CRPPA: variants seen among roughly 807,000 people sequenced by gnomAD.
CRPPA encodes the protein D-ribitol-5-phosphate cytidylyltransferase.
A neutral mutation model predicts 52.0 loss-of-function variants in CRPPA; 43 were observed. The observed-to-expected ratio is 0.83, with a 90% confidence interval of 0.65 to 1.07. The LOEUF is 1.07. Ranked by LOEUF, CRPPA falls within the 50% of genes least tolerant of loss-of-function variation. CRPPA has a pLI of 0.00. For synonymous variants in CRPPA, 250 were observed against 203.5 expected (o/e 1.23, Z -1.94); for missense variants, 629 against 551.7 (o/e 1.14, Z -1.40).
intron 3 of CRPPA, among the ~76,000 whole-genome samples, chr7:16,347,850 C>T (rs577432602): frequency 6.6e-6 from 1 of 152,230 alleles, no homozygotes; most frequent in African/African-American, 2.4e-5. Context: ...ACCTAAGTTT[C>T]CTTATGGCTA....
chr7:16,287,027 C>T (rs142543659), intron 5 of CRPPA, among the ~76,000 whole-genome samples: 3 of 152,220 alleles, frequency 2.0e-5, no homozygotes, highest in Admixed American at 6.5e-5. Context: ...TTATTTAGTG[C>T]TCATGTCATA....
At chr7:16,209,298 G>A (rs1397409979) in intron 9 of CRPPA, 1 of 102,088 alleles carries the variant, frequency 9.8e-6, no homozygotes, top group Non-Finnish European at 2.5e-5. Flanking sequence ...TTTGAGACGA[G>A]TCTCGCTCTG....
chr7:16,365,459 A>T (rs920205375), intron 3 of CRPPA, among the ~76,000 whole-genome samples: 1 of 152,216 alleles, frequency 6.6e-6, no homozygotes, highest in Admixed American at 6.5e-5. Flanking sequence ...CTGAAACGAT[A>T]ATCTTGAAAG....
rs1787927721 is a variant in CRPPA, at chr7:16,405,397, G to C, written c.534+664C>G. 1.3e-5 allele frequency among the ~76,000 whole-genome samples: 2 copies of C among 152,020 alleles called. 1 individual carries two copies. Among genetic ancestry groups the C allele is most frequent in the Admixed American group, 1.3e-4 (2 of 15,248 alleles). ...AAATAAAAAGACAGATTTGGACCTA[G>C]GTCTGTCCAACTTCATAGCCTATTT... On this transcript the variant is annotated intron_variant, in intron 2 of 9. Transcript: ENST00000407010.
intron 3 of CRPPA, among the ~76,000 whole-genome samples, chr7:16,374,209 G>A (rs145178251): frequency 1.3e-5 from 2 of 152,086 alleles, no homozygotes; most frequent in Non-Finnish European, 2.9e-5. Context: ...CAGCTAGAAC[G>A]AAGCAGGCAG....
intron 6 of CRPPA, among the ~76,000 whole-genome samples, chr7:16,273,159 G>C (rs539951421): frequency 1.5e-5 from 2 of 135,784 alleles, no homozygotes; most frequent in Non-Finnish European, 3.1e-5. Flanking sequence ...GAACTGCATA[G>C]TACTGATACA....
chr7:16,124,115 A>G (rs12056214), intron 9 of CRPPA, among the ~76,000 whole-genome samples: 1 of 144,562 alleles, frequency 6.9e-6, no homozygotes, highest in Non-Finnish European at 1.5e-5. Context: ...TTCTTTTTTT[A>G]TTTTTTTTTT....
chr7:16,091,622 A>C lies in CRPPA; in HGVS notation c.*73T>G. ...ACAACTGAAACATTCTACCACACAC[A>C]GCAGCGGGGGCACAAAGCACAATTA... On this transcript the variant is annotated 3_prime_UTR_variant, in exon 10 of 10. Coordinates refer to ENST00000407010, the MANE Select transcript of CRPPA (RefSeq NM_001101426.4). 1 of 772,136 alleles carries C rather than the reference A, an allele frequency of 1.3e-6. No individual in the cohort carries two copies. Among genetic ancestry groups the C allele is most frequent in the East Asian group, 2.8e-5 (1 of 35,992 alleles). The allele number at this position is 772,136 out of a possible 1,614,324, so 47.8% of individuals were successfully genotyped here.
intron 3 of CRPPA, among the ~76,000 whole-genome samples, chr7:16,364,356 C>T (rs896291319): frequency 1.3e-5 from 2 of 152,292 alleles, no homozygotes; most frequent in South Asian, 2.1e-4. Context: ...AACATTCTAG[C>T]ATCCAAACCC....
At chr7:16,215,235 A>G (rs970698782) in intron 9 of CRPPA, among the ~76,000 whole-genome samples, 1 of 152,204 alleles carries the variant, frequency 6.6e-6, no homozygotes, top group Non-Finnish European at 1.5e-5. Context: ...TACTTTTGAG[A>G]CCACTAAAAA....
intron 9 of CRPPA, among the ~76,000 whole-genome samples, chr7:16,161,393 A>G (rs1783301417): frequency 6.6e-6 from 1 of 152,194 alleles, no homozygotes; most frequent in Admixed American, 6.5e-5. Flanking sequence ...TCTAGCATGA[A>G]GAGGTGTTGA....
intron 9 of CRPPA, among the ~76,000 whole-genome samples, chr7:16,197,654 T>G (rs1360262076): frequency 6.6e-6 from 1 of 151,326 alleles, no homozygotes; most frequent in Non-Finnish European, 1.5e-5. Context: ...TTATATAATA[T>G]AAAGTAGTAA....
At chr7:16,250,468 T>C (rs1783415897) in intron 8 of CRPPA, among the ~76,000 whole-genome samples, 1 of 152,036 alleles carries the variant, frequency 6.6e-6, no homozygotes, top group African/African-American at 2.4e-5. Flanking sequence ...TAAGGGTAGC[T>C]GGAGAGAAAG....
At chr7:16,409,665 T>C (rs1276038738) in intron 1 of CRPPA, among the ~76,000 whole-genome samples, 1 of 152,238 alleles carries the variant, frequency 6.6e-6, no homozygotes, top group Non-Finnish European at 1.5e-5. Context: ...AAGCATTTTT[T>C]ATATTTTAGC....
At chr7:16,294,834 C>T (rs182482299) in intron 5 of CRPPA, among the ~76,000 whole-genome samples, 2 of 151,932 alleles carry the variant, frequency 1.3e-5, no homozygotes, top group South Asian at 4.1e-4. Context: ...ACCACAGATG[C>T]GGAATGTTGT....
chr7:16,132,499 A>G (rs1282778290), intron 9 of CRPPA, among the ~76,000 whole-genome samples: 1 of 124,740 alleles, frequency 8.0e-6, no homozygotes, highest in African/African-American at 2.6e-5. Context: ...TAGTACTCAA[A>G]AAAGTAAAAT....
intron 9 of CRPPA, among the ~76,000 whole-genome samples, chr7:16,178,823 C>T (rs1022470916): frequency 7.9e-5 from 12 of 151,882 alleles, no homozygotes; most frequent in East Asian, 1.9e-4. Context: ...ATCTAGTATA[C>T]GAACATCATG....
At chr7:16,196,902 T>C (rs1781749681) in intron 9 of CRPPA, among the ~76,000 whole-genome samples, 1 of 152,192 alleles carries the variant, frequency 6.6e-6, no homozygotes, top group African/African-American at 2.4e-5. Context: ...TAATGAGGTA[T>C]ATTATTTTCA....
chr7:16,355,259 T>C (rs534964678), intron 3 of CRPPA, among the ~76,000 whole-genome samples: 2 of 152,224 alleles, frequency 1.3e-5, no homozygotes, highest in African/African-American at 4.8e-5. Context: ...TTGCTTCTAC[T>C]GAGTGGATAC....
Sources: allele counts gnomAD v4.1 joint callset (sites outside exome capture counted in the v4.1 genomes callset), GRCh38; gene constraint gnomAD v4.1.1; transcripts MANE v1.5; gene names NCBI Gene and HGNC (gene_info 2026-07-23, HGNC 2026-07-21).